Variants in NOTCH2NLC observed in about 807,000 individuals in gnomAD.
The protein encoded by NOTCH2NLC is notch 2 N-terminal like C.
Under a neutral mutation model 17.7 loss-of-function variants are expected in NOTCH2NLC, and 4 were observed. The observed-to-expected ratio is 0.23, with a 90% CI of 0.11 to 0.52. The LOEUF (loss-of-function observed/expected upper bound fraction) is 0.52, where lower values mean the gene tolerates loss of function less well. Among genes scored for constraint, NOTCH2NLC ranks in the 20% least tolerant of loss-of-function variants. NOTCH2NLC has a pLI of 0.96. For synonymous variants in NOTCH2NLC, 18 were observed against 86.0 expected (o/e 0.21, Z 4.38); for missense variants, 57 against 207.2 (o/e 0.28, Z 4.45).
At chr1:149,419,882 C>CTT (rs2084369758) in intron 1 of NOTCH2NLC, among the ~76,000 whole-genome samples, 1 of 31,276 alleles carries the variant, frequency 3.2e-5, no homozygotes, top group African/African-American at 1.3e-4. Context: ...TTTTTTTTTT[C>CTT]CTCAGGCAGA....
chr1:149,432,652 G>C (rs1324467501), intron 2 of NOTCH2NLC, among the ~76,000 whole-genome samples: 12 of 150,304 alleles, frequency 8.0e-5, no homozygotes, highest in Non-Finnish European at 1.0e-4. Flanking sequence ...ATTGCATTAT[G>C]GTCATTTGTT....
intron 1 of NOTCH2NLC, among the ~76,000 whole-genome samples, chr1:149,394,851 T>C (rs1246333236): frequency 3.3e-5 from 5 of 150,970 alleles, no homozygotes; most frequent in Admixed American, 2.6e-4. Context: ...AGGTCTTCTT[T>C]TCTTTCTTTG....
chr1:149,449,723 C>G (rs2101503612), intron 2 of NOTCH2NLC, among the ~76,000 whole-genome samples: 1 of 151,438 alleles, frequency 6.6e-6, no homozygotes, highest in South Asian at 2.1e-4. Flanking sequence ...GAGACCACCA[C>G]CATTATCTAA....
At chr1:149,399,020 G>GA (rs1310970055) in intron 1 of NOTCH2NLC, among the ~76,000 whole-genome samples, 9 of 151,978 alleles carry the variant, frequency 5.9e-5, no homozygotes, top group African/African-American at 2.2e-4. Flanking sequence ...GTGAAGTAAG[G>GA]AAAACATGAT....
Position 149,471,486 on chromosome 1 carries a change from G to A in NOTCH2NLC, c.*7333G>A, listed in dbSNP as rs1330357941. ...ATCCATTTTGAGTTAATTTTTATGT[G>A]CAAGGAGGGAGTCTAACTTGATTCT... On this transcript the variant is annotated 3_prime_UTR_variant, in exon 5 of 5. Coordinates refer to ENST00000650865, the MANE Select transcript of NOTCH2NLC (RefSeq NM_001364013.2). 6.6e-6 allele frequency among the ~76,000 whole-genome samples: 1 copy of A among 150,626 alleles called. No individual in the cohort carries two copies. Among genetic ancestry groups the A allele is most frequent in the African/African-American group, 2.4e-5 (1 of 41,000 alleles).
chr1:149,461,992 G>T, intron 3 of NOTCH2NLC, among the ~76,000 whole-genome samples: 1 of 132,492 alleles, frequency 7.5e-6, no homozygotes, highest in Non-Finnish European at 1.6e-5. Context: ...TGGGGTGGTG[G>T]GACGGGGGAG....
In NOTCH2NLC at chr1:149,410,602, CTTG is replaced by C. The variant is rs1471032138; in HGVS notation, c.135+19686_135+19688del. On this transcript the variant is annotated intron_variant, in intron 1 of 4. Coordinates refer to ENST00000650865, the MANE Select transcript of NOTCH2NLC (RefSeq NM_001364013.2). Reference sequence around the variant, plus strand: ...ACACAAAATTGATGCTAAATAAGGTCTTGTTGTTTTGGCAAATAGTGAAATGCA... The same window carrying C: ...ACACAAAATTGATGCTAAATAAGGTCTTGTTTTGGCAAATAGTGAAATGCA... Among the ~76,000 whole-genome samples, 499 of 134,408 alleles carry C rather than the reference CTTG, an allele frequency of 3.7e-3. 7 individuals are homozygous for C. Among genetic ancestry groups the C allele is most frequent in the Middle Eastern group, 7.3e-3 (2 of 274 alleles). 88.2% of individuals were successfully genotyped at this position (134,408 alleles called of 152,430 possible).
chr1:149,460,736 CTCAG>C lies in NOTCH2NLC; in HGVS notation c.470-2750_470-2747del, dbSNP rs2084639782. 2.0e-5 allele frequency among the ~76,000 whole-genome samples: 3 copies of C among 148,286 alleles called. No individual in the cohort carries two copies. In the South Asian group the frequency reaches 6.4e-4, roughly 32 times the overall value. On this transcript the variant is annotated intron_variant, in intron 3 of 4. Coordinates refer to ENST00000650865, the MANE Select transcript of NOTCH2NLC (RefSeq NM_001364013.2). ...TTTGGTTTTTGTGATAGCGCTATAC[CTCAG>C]TCAGCTTACTAGCTCATCTCCACTC...
intron 2 of NOTCH2NLC, among the ~76,000 whole-genome samples, chr1:149,438,153 A>G (rs1279346961): frequency 6.7e-6 from 1 of 149,260 alleles, no homozygotes; most frequent in East Asian, 2.0e-4. Context: ...GGGACTTTTC[A>G]GATCAGGAAT....
intron 1 of NOTCH2NLC, among the ~76,000 whole-genome samples, chr1:149,392,957 G>A (rs1268030974): frequency 6.7e-6 from 1 of 148,224 alleles, no homozygotes; most frequent in Non-Finnish European, 1.5e-5. Context: ...TGTAGTCCCA[G>A]CTACTTGGGA....
At chr1:149,441,805 G>T (rs1380901147) in intron 2 of NOTCH2NLC, among the ~76,000 whole-genome samples, 2 of 27,328 alleles carry the variant, frequency 7.3e-5, no homozygotes, top group African/African-American at 3.0e-4. Flanking sequence ...GTCACAGTTT[G>T]TGACAGAAGC....
chr1:149,452,488 C>CT (rs2084595676), intron 2 of NOTCH2NLC, among the ~76,000 whole-genome samples: 2 of 127,158 alleles, frequency 1.6e-5, no homozygotes, highest in African/African-American at 3.0e-5. Flanking sequence ...TTCTTTTGTT[C>CT]TTTTTTTCTA....
At chr1:149,430,526 AT>A (rs2084442444) in intron 1 of NOTCH2NLC, among the ~76,000 whole-genome samples, 1 of 146,748 alleles carries the variant, frequency 6.8e-6, no homozygotes, top group Non-Finnish European at 1.5e-5. Flanking sequence ...AGGCTAAGTA[AT>A]TCATCAGTAT....
chr1:149,433,383 A>C (rs1446296420), intron 2 of NOTCH2NLC, among the ~76,000 whole-genome samples: 2 of 148,600 alleles, frequency 1.3e-5, no homozygotes, highest in African/African-American at 4.9e-5. Flanking sequence ...CCACCATGGC[A>C]CATGTATACC....
At chr1:149,434,136 C>T (rs2084470107) in intron 2 of NOTCH2NLC, among the ~76,000 whole-genome samples, 3 of 138,446 alleles carry the variant, frequency 2.2e-5, no homozygotes, top group African/African-American at 8.2e-5. Context: ...TTTTGGGAGA[C>T]CAAGATGAAC....
intron 1 of NOTCH2NLC, among the ~76,000 whole-genome samples, chr1:149,399,191 T>C (rs2084229433): frequency 6.6e-6 from 1 of 151,318 alleles, no homozygotes; most frequent in Non-Finnish European, 1.5e-5. Context: ...GCAGGCATGT[T>C]TTAAAATTGT....
At chr1:149,462,233 T>A (rs1423496026) in intron 3 of NOTCH2NLC, among the ~76,000 whole-genome samples, 2 of 145,664 alleles carry the variant, frequency 1.4e-5, no homozygotes, top group African/African-American at 5.1e-5. Flanking sequence ...AATACCAAAT[T>A]TACTAGTTCT....
intron 1 of NOTCH2NLC, among the ~76,000 whole-genome samples, chr1:149,413,305 A>G (rs1156845916): frequency 6.6e-6 from 1 of 151,038 alleles, no homozygotes; most frequent in Non-Finnish European, 1.5e-5. Context: ...ATTGAATTTT[A>G]TCTTTCCACA....
intron 2 of NOTCH2NLC, among the ~76,000 whole-genome samples, chr1:149,433,705 ACTGTTGGG>A (rs2084466439): frequency 6.8e-6 from 1 of 147,674 alleles, no homozygotes; most frequent in African/African-American, 2.5e-5. Flanking sequence ...TCTTTGTTGG[ACTGTTGGG>A]CTGCTAGTCT....
Sources: gnomAD v4.1 joint callset for allele counts (sites outside exome capture counted in the v4.1 genomes callset) on GRCh38, gnomAD v4.1.1 for gene constraint, MANE v1.5 for transcripts, NCBI Gene and HGNC (gene_info 2026-07-23, HGNC 2026-07-21) for gene names.